Variants in BPNT2 observed in about 807,000 individuals in gnomAD.
The protein encoded by BPNT2 is Golgi-resident adenosine 3',5'-bisphosphate 3'-phosphatase.
A neutral mutation model predicts 29.3 loss-of-function variants in BPNT2; 11 were observed. The observed-to-expected ratio is 0.38, with a 90% CI of 0.24 to 0.62. BPNT2 has a LOEUF of 0.62. Among genes scored for constraint, BPNT2 ranks in the 20% least tolerant of loss-of-function variants. The pLI is 0.62. For missense variants in BPNT2, 459 were observed against 473.4 expected (o/e 0.97, Z 0.28); for synonymous variants, 195 against 187.7 (o/e 1.04, Z -0.32).
Position 56,980,194 on chromosome 8 carries a change from T to G in BPNT2, c.391A>C (p.Asn131His). ...GCTGCATCCACGTGTTCCTCAGTATTAATCTGCATTAAAAACAGGTGACAG... is the reference window on the plus strand; with the variant it reads ...GCTGCATCCACGTGTTCCTCAGTATGAATCTGCATTAAAAACAGGTGACAG... ...LKTAFPSVQI[N>H]TEEHVDAADQ... The change falls in exon 2 of 5, where the codon AAT becomes CAT. Residue 131 changes from asparagine to histidine, a missense_variant. Asn to His is a moderately conservative substitution (Grantham distance 68, BLOSUM62 1). Transcript: ENST00000262644. The G allele has an allele frequency of 1.2e-6, 2 of 1,612,860 alleles. No homozygotes were observed. Among genetic ancestry groups the G allele is most frequent in the Non-Finnish European group, 1.7e-6 (2 of 1,178,974 alleles).
At chr8:56,972,421 G>T (rs1806054483) in intron 3 of BPNT2, among the ~76,000 whole-genome samples, 2 of 151,404 alleles carry the variant, frequency 1.3e-5, no homozygotes, top group South Asian at 2.1e-4. Context: ...TACAGCGTAA[G>T]AATAATTGTG....
At chr8:56,976,254 G>GA (rs1010267193) in intron 3 of BPNT2, among the ~76,000 whole-genome samples, 3 of 152,296 alleles carry the variant, frequency 2.0e-5, no homozygotes, top group African/African-American at 7.2e-5. Context: ...AATAGAGATA[G>GA]AACTGCATGC....
Position 56,961,465 on chromosome 8 carries a change from A to G in BPNT2, c.*2328T>C, listed in dbSNP as rs1805832064. ...ATCATTAGTAACTAGACTATACCCA[A>G]CATATTATAAAAATAATGTATTTAA... On this transcript the variant is annotated 3_prime_UTR_variant, in exon 5 of 5. Transcript: ENST00000262644. 1 of 152,196 alleles carries G rather than the reference A, an allele frequency of 6.6e-6. No homozygotes were observed. The highest frequency in any genetic ancestry group is 2.4e-5 in the African/African-American group (1 of 41,440). The allele number at this position is 152,196 out of a possible 1,614,324, so 9.4% of individuals were successfully genotyped here. A position where few individuals can be genotyped will look rare whatever the true frequency, so the allele number is the denominator to read the frequency against.
rs1413902372 is a variant in BPNT2 at position 56,978,084 on chromosome 8, T to C, written c.612A>G (p.Leu204=). The change falls in exon 3 of 5, where the codon CTA becomes CTG. Residue 204 remains leucine (L), a synonymous_variant. Transcript: ENST00000262644. The stretch of plus-strand genomic sequence containing the variant: ...CGGAAAATGGCTTATGTATAACTCC[T>C]AGCATGGGTTTACCATTTACAGCCA... ...VCVAVNGKPM[L]GVIHKPFSEY... is the part of the protein sequence containing the mutation. 1 of 1,611,468 alleles carries C rather than the reference T, an allele frequency of 6.2e-7. No homozygotes were observed. The highest frequency in any genetic ancestry group is 8.5e-7 in the Non-Finnish European group (1 of 1,177,878).
chr8:56,988,563 A>G (rs1255240097), intron 1 of BPNT2, among the ~76,000 whole-genome samples: 1 of 152,226 alleles, frequency 6.6e-6, no homozygotes, highest in East Asian at 1.9e-4. Context: ...GATTGTTTTC[A>G]GTCTTCATTA....
At chr8:56,966,429 G>C in intron 3 of BPNT2, 77 bp from the exon 4 acceptor site, 1 of 1,247,256 alleles carries the variant, frequency 8.0e-7, no homozygotes, top group Non-Finnish European at 1.2e-6. Context: ...AACCCAAAGT[G>C]CTATGTATGA....
At chr8:56,966,418 G>T in intron 3 of BPNT2, 66 bp from the exon 4 acceptor site, 1 of 1,378,822 alleles carries the variant, frequency 7.3e-7, no homozygotes, top group Non-Finnish European at 1.0e-6. Context: ...ATATTCTTCA[G>T]AACCCAAAGT....
intron 3 of BPNT2, among the ~76,000 whole-genome samples, chr8:56,975,981 C>G (rs1335114010): frequency 6.6e-6 from 1 of 152,124 alleles, no homozygotes; most frequent in East Asian, 1.9e-4. Flanking sequence ...ATCCACTTTC[C>G]CTGTTTTCCT....
Position 56,993,635 on chromosome 8 carries a change from G to A in BPNT2, c.-50C>T, listed in dbSNP as rs764441984. ...GCTGCGGCTCTCACAGGCCTCCAGC[G>A]CCCGCCGCCGCCGCCGCCGCAGCCG... On this transcript the variant is annotated 5_prime_UTR_variant, in exon 1 of 5. Coordinates refer to ENST00000262644, the MANE Select transcript of BPNT2 (RefSeq NM_017813.5). 7 of 1,239,048 alleles carry A rather than the reference G, an allele frequency of 5.6e-6. No homozygotes were observed. In the South Asian group the frequency reaches 2.0e-4, roughly 36 times the overall value. The allele number at this position is 1,239,048 out of a possible 1,614,324, so 76.8% of individuals were successfully genotyped here. A position where few individuals can be genotyped will look rare whatever the true frequency, so the allele number is the denominator to read the frequency against.
At chr8:56,986,200 T>C (rs1806324833) in intron 1 of BPNT2, among the ~76,000 whole-genome samples, 1 of 152,184 alleles carries the variant, frequency 6.6e-6, no homozygotes. Flanking sequence ...TCAATTTAAT[T>C]TGAGTCTCTT....
At chr8:56,964,118 G>C in intron 4 of BPNT2, 54 bp from the exon 5 acceptor site, 1 of 1,336,952 alleles carries the variant, frequency 7.5e-7, no homozygotes, top group Non-Finnish European at 1.0e-6. Flanking sequence ...TAAGAAAGTA[G>C]CATACTTTTT....
chr8:56,966,469 A>G, intron 3 of BPNT2, 117 bp from the exon 4 acceptor site: 1 of 885,060 alleles, frequency 1.1e-6, no homozygotes, highest in Non-Finnish European at 1.8e-6. Context: ...CTAAAAAATT[A>G]TTTGTATTTT....
At chr8:56,987,766 T>A (rs1047222308) in intron 1 of BPNT2, among the ~76,000 whole-genome samples, 1 of 151,118 alleles carries the variant, frequency 6.6e-6, no homozygotes, top group Non-Finnish European at 1.5e-5. Context: ...TCTTGCTCTG[T>A]CACCCAGGCT....
At position 56,964,208 on chromosome 8, in the gene BPNT2, T is replaced by G. The variant is rs1805899665; in HGVS notation, c.809-144A>C. 4.1e-5 allele frequency: 24 copies of G among 590,086 alleles called. No homozygotes were observed. The South Asian group carries it at 5.7e-4, about 14-fold the overall frequency. The allele number at this position is 590,086 out of a possible 1,614,324, so 36.6% of individuals were successfully genotyped here. A position where few individuals can be genotyped will look rare whatever the true frequency, so the allele number is the denominator to read the frequency against. On this transcript the variant is annotated intron_variant, in intron 4 of 4. Coordinates refer to ENST00000262644, the MANE Select transcript of BPNT2 (RefSeq NM_017813.5). ...TCTCTGCAACTGCTTAAGTTTAAAA[T>G]TATTTCAAATTAAAAAAATTTTAAA... is the stretch of plus-strand genomic sequence containing the variant.
intron 1 of BPNT2, among the ~76,000 whole-genome samples, chr8:56,991,851 T>C (rs1262214852): frequency 1.3e-5 from 2 of 152,156 alleles, no homozygotes; most frequent in East Asian, 1.9e-4. Flanking sequence ...GTAAAATATT[T>C]CATAAACACA....
At position 56,963,607 on chromosome 8, in the gene BPNT2, A is replaced by G; in HGVS notation, c.*186T>C. ...AAATAAAGACAATACTTGAGACACA[A>G]AGCAACCCATTTTCCCTGATTTTGC... On this transcript the variant is annotated 3_prime_UTR_variant, in exon 5 of 5. Coordinates refer to ENST00000262644, the MANE Select transcript of BPNT2 (RefSeq NM_017813.5). The G allele has an allele frequency of 1.6e-6, 1 of 617,246 alleles. No homozygotes were observed. The highest frequency in any genetic ancestry group is 2.8e-6 in the Non-Finnish European group (1 of 352,864). 38.2% of individuals were successfully genotyped at this position (617,246 alleles called of 1,614,324 possible). A position where few individuals can be genotyped will look rare whatever the true frequency, so the allele number is the denominator to read the frequency against.
In BPNT2 at chr8:56,963,317, G is replaced by A. The variant is rs1805873874; in HGVS notation, c.*476C>T. 1 of 153,872 alleles carries A rather than the reference G, an allele frequency of 6.5e-6. No individual in the cohort carries two copies. Among genetic ancestry groups the A allele is most frequent in the African/African-American group, 2.4e-5 (1 of 41,454 alleles). The allele number at this position is 153,872 out of a possible 1,614,324, so 9.5% of individuals were successfully genotyped here. ...ATTTGTTGCATATTAATGAATGTGT[G>A]GCTTCTTGTGCTTTCCATCCAAATT... On this transcript the variant is annotated 3_prime_UTR_variant, in exon 5 of 5. Coordinates refer to ENST00000262644, the MANE Select transcript of BPNT2 (RefSeq NM_017813.5).
chr8:56,981,553 G>C (rs1806244334), intron 1 of BPNT2, among the ~76,000 whole-genome samples: 1 of 151,888 alleles, frequency 6.6e-6, no homozygotes, highest in Non-Finnish European at 1.5e-5. Context: ...GACAGAGCAA[G>C]ACTCCATCTC....
rs767717672 is a variant in BPNT2 at position 56,966,174 on chromosome 8, C to T, written c.808+17G>A. The T allele has an allele frequency of 5.6e-6, 9 of 1,613,888 alleles. No individual in the cohort carries two copies. The highest frequency in any genetic ancestry group is 1.7e-5 in the Admixed American group (1 of 60,028). Reference sequence around the variant, plus strand: ...CCAGGAACATTCTCCAGGGACCACACAGGAAGAGGAACATACCAGCACCAC... The same window carrying T: ...CCAGGAACATTCTCCAGGGACCACATAGGAAGAGGAACATACCAGCACCAC... On this transcript the variant is annotated intron_variant, in intron 4 of 4. Coordinates refer to ENST00000262644, the MANE Select transcript of BPNT2 (RefSeq NM_017813.5).
Sources: allele counts gnomAD v4.1 joint callset (sites outside exome capture counted in the v4.1 genomes callset), GRCh38; gene constraint gnomAD v4.1.1; transcripts MANE v1.5; gene names NCBI Gene and HGNC (gene_info 2026-07-23, HGNC 2026-07-21).